The following LRMDA variants were observed in gnomAD, a reference collection of about 807,000 sequenced individuals.
LRMDA encodes the protein leucine rich melanocyte differentiation associated, also known as leucine-rich melanocyte differentiation-associated protein.
A neutral mutation model predicts 29.8 loss-of-function variants in LRMDA; 18 were observed. That is an observed-to-expected ratio of 0.60 (90% CI 0.42 to 0.90). The LOEUF (loss-of-function observed/expected upper bound fraction) is 0.90. Ranked by LOEUF, LRMDA falls within the 40% of genes least tolerant of loss-of-function variation. The pLI is 0.00. For missense variants in LRMDA, 273 were observed against 273.9 expected (o/e 1.00, Z 0.02); for synonymous variants, 125 against 109.4 (o/e 1.14, Z -0.89).
At chr10:76,438,524 G>A (rs1842268285) in intron 6 of LRMDA, 1 of 152,168 alleles carries the variant, frequency 6.6e-6, no homozygotes, top group Non-Finnish European at 1.5e-5. Flanking sequence ...CAGCATGGAG[G>A]ATGGGGAGAT....
chr10:76,195,935 C>A (rs1460270600), intron 5 of LRMDA, among the ~76,000 whole-genome samples: 2 of 152,316 alleles, frequency 1.3e-5, no homozygotes, highest in South Asian at 2.1e-4. Flanking sequence ...TTACTTTGGT[C>A]TCCTTGTCAG....
At chr10:76,408,485 A>G (rs1388969780) in intron 6 of LRMDA, among the ~76,000 whole-genome samples, 1 of 152,182 alleles carries the variant, frequency 6.6e-6, no homozygotes, top group Admixed American at 6.5e-5. Flanking sequence ...TGTCCTATGC[A>G]CATGGTTCTA....
At chr10:76,469,359 T>C (rs577932785) in intron 6 of LRMDA, among the ~76,000 whole-genome samples, 1 of 152,282 alleles carries the variant, frequency 6.6e-6, no homozygotes, top group Non-Finnish European at 1.5e-5. Context: ...ACTACTGTTC[T>C]CTGCCCACTC....
chr10:76,476,107 A>G (rs1416785024), intron 6 of LRMDA, among the ~76,000 whole-genome samples: 2 of 152,190 alleles, frequency 1.3e-5, no homozygotes, highest in Non-Finnish European at 2.9e-5. Context: ...CAATGAATCC[A>G]GGAGCTGGTT....
At chr10:76,091,276 C>CATGTGT (rs919922502) in intron 5 of LRMDA, among the ~76,000 whole-genome samples, 236 of 146,900 alleles carry the variant, frequency 1.6e-3, no homozygotes, top group African/African-American at 5.7e-3. Flanking sequence ...ACATGGTGGA[C>CATGTGT]GTGTGTGTGT....
chr10:75,935,789 C>T (rs1332979565), intron 2 of LRMDA, among the ~76,000 whole-genome samples: 1 of 152,158 alleles, frequency 6.6e-6, no homozygotes, highest in Non-Finnish European at 1.5e-5. Context: ...AGCCGTCTGT[C>T]CACATGCAAC....
intron 5 of LRMDA, among the ~76,000 whole-genome samples, chr10:76,117,724 T>C (rs1849691439): frequency 6.6e-6 from 1 of 152,210 alleles, no homozygotes; most frequent in Non-Finnish European, 1.5e-5. Context: ...CAAACTTTTC[T>C]GTGAGCTGAT....
intron 2 of LRMDA, among the ~76,000 whole-genome samples, chr10:75,778,474 A>G (rs1357460306): frequency 6.6e-6 from 1 of 152,142 alleles, no homozygotes; most frequent in Non-Finnish European, 1.5e-5. Context: ...AATTGTGAAC[A>G]TCCATGTTAT....
intron 5 of LRMDA, among the ~76,000 whole-genome samples, chr10:76,208,559 C>G (rs1268428939): frequency 3.3e-5 from 5 of 152,196 alleles, no homozygotes; most frequent in African/African-American, 1.2e-4. Flanking sequence ...TACCCCAGAG[C>G]CTGGTCCAGC....
At chr10:76,464,606 C>G (rs141422660) in intron 6 of LRMDA, among the ~76,000 whole-genome samples, 68 of 152,326 alleles carry the variant, frequency 4.5e-4, no homozygotes, top group African/African-American at 1.5e-3. Flanking sequence ...TGTTGGCCAC[C>G]TTGTTGTTTA....
intron 5 of LRMDA, among the ~76,000 whole-genome samples, chr10:76,223,286 A>G (rs780287857): frequency 2.0e-4 from 30 of 152,118 alleles, no homozygotes; most frequent in Non-Finnish European, 2.4e-4. Context: ...AATAAAAAAG[A>G]GTCTCCTTAA....
Position 76,256,949 on chromosome 10 carries a change from C to T in LRMDA, c.517-67452C>T, listed in dbSNP as rs576125604. 1.4e-3 allele frequency among the ~76,000 whole-genome samples: 214 copies of T among 152,088 alleles called. 5 individuals carry two copies. In the South Asian group the frequency reaches 0.026, roughly 18 times the overall value. Reference sequence around the variant, plus strand: ...GAACAATATATTTGAACTAGGCAGTCGTAGAAAAATGATTGAGAGATAAAG... The same window carrying T: ...GAACAATATATTTGAACTAGGCAGTTGTAGAAAAATGATTGAGAGATAAAG... On this transcript the variant is annotated intron_variant, in intron 5 of 6. Coordinates refer to ENST00000611255, the MANE Select transcript of LRMDA (RefSeq NM_001305581.2).
At chr10:75,539,669 G>T (rs1039902331) in intron 2 of LRMDA, among the ~76,000 whole-genome samples, 8 of 152,222 alleles carry the variant, frequency 5.3e-5, no homozygotes, top group Non-Finnish European at 1.5e-5. Flanking sequence ...TTTGTAGGAA[G>T]CCTGGGAACC....
intron 2 of LRMDA, among the ~76,000 whole-genome samples, chr10:75,692,601 G>A (rs1199355311): frequency 8.6e-5 from 12 of 138,826 alleles, no homozygotes; most frequent in Admixed American, 1.4e-4. Flanking sequence ...GTGTGTGTGT[G>A]TGTGTATGTG....
chr10:76,491,881 CT>C (rs1842837172), intron 6 of LRMDA, among the ~76,000 whole-genome samples: 2 of 151,938 alleles, frequency 1.3e-5, no homozygotes, highest in South Asian at 4.1e-4. Flanking sequence ...CTTTGTTAAT[CT>C]TTTTTCTTTT....
At chr10:76,514,881 T>G (rs1843044044) in intron 6 of LRMDA, among the ~76,000 whole-genome samples, 1 of 152,160 alleles carries the variant, frequency 6.6e-6, no homozygotes, top group South Asian at 2.1e-4. Context: ...AAGATAGTGC[T>G]TTTGTTCAAG....
intron 2 of LRMDA, among the ~76,000 whole-genome samples, chr10:75,477,410 C>A (rs907157478): frequency 6.6e-6 from 1 of 152,176 alleles, no homozygotes; most frequent in African/African-American, 2.4e-5. Context: ...TACAATTCAG[C>A]CCGTAATACC....
Position 76,215,312 on chromosome 10 carries a change from A to T in LRMDA, c.517-109089A>T, listed in dbSNP as rs536852332. 5.9e-5 allele frequency among the ~76,000 whole-genome samples: 9 copies of T among 151,526 alleles called. No homozygotes were observed. The South Asian group carries it at 1.7e-3, about 28-fold the overall frequency. Reference sequence around the variant, plus strand: ...AGCAAGTTTCATTTTGAGGGATGGGAGGAGGTGTACCTTGCTGTATCTGAG... The same window carrying T: ...AGCAAGTTTCATTTTGAGGGATGGGTGGAGGTGTACCTTGCTGTATCTGAG... On this transcript the variant is annotated intron_variant, in intron 5 of 6. Coordinates refer to ENST00000611255, the MANE Select transcript of LRMDA (RefSeq NM_001305581.2).
In LRMDA at chr10:76,018,386, C is replaced by T. The variant is rs151086536; in HGVS notation, c.132-17622C>T. ...GTCCCTTGGGGAACAACATAGCCCCCACTTGAGAACCACTGATCTAATCCC... is the reference window on the plus strand; with the variant it reads ...GTCCCTTGGGGAACAACATAGCCCCTACTTGAGAACCACTGATCTAATCCC... On this transcript the variant is annotated intron_variant, in intron 2 of 6. Transcript: ENST00000611255. Among the ~76,000 whole-genome samples the T allele has an allele frequency of 5.5e-3, 838 of 152,248 alleles. 8 individuals are homozygous for T. Among genetic ancestry groups the T allele is most frequent in the African/African-American group, 0.019 (777 of 41,544 alleles).
Sources: allele counts gnomAD v4.1 joint callset (sites outside exome capture counted in the v4.1 genomes callset), GRCh38; gene constraint gnomAD v4.1.1; transcripts MANE v1.5; gene names NCBI Gene and HGNC (gene_info 2026-07-23, HGNC 2026-07-21).